Variants in FHIT observed in about 807,000 individuals in gnomAD.
FHIT encodes fragile histidine triad diadenosine triphosphatase.
Under a neutral mutation model 17.9 loss-of-function variants are expected in FHIT, and 19 were observed. The ratio of observed to expected loss-of-function variants is 1.06; its 90% CI spans 0.74 to 1.56. The LOEUF is 1.56. Ranked by LOEUF, FHIT falls within the 40% of genes most tolerant of loss-of-function variation. The probability of loss-of-function intolerance (pLI) is 0.00; values close to 1 mark genes in which losing one functional copy is unlikely to be tolerated. For missense variants in FHIT, 248 were observed against 189.2 expected, an observed-to-expected ratio of 1.31 and a Z score of -1.82; for synonymous variants, 81 against 69.7, an observed-to-expected ratio of 1.16 and a Z score of -0.81.
At chr3:60,909,725 C>T (rs144924727) in intron 3 of FHIT, among the ~76,000 whole-genome samples, 226 of 152,276 alleles carry the variant, frequency 1.5e-3, no homozygotes, top group Middle Eastern at 3.4e-3. Context: ...CAACGGAATG[C>T]GTATTTGTCA....
chr3:60,184,783 A>C (rs1184963537), intron 5 of FHIT, among the ~76,000 whole-genome samples: 1 of 151,948 alleles, frequency 6.6e-6, no homozygotes, highest in Non-Finnish European at 1.5e-5. Context: ...CAGATTTTTC[A>C]ATTCTACCTC....
intron 5 of FHIT, among the ~76,000 whole-genome samples, chr3:60,203,055 A>C (rs1702988237): frequency 6.6e-6 from 1 of 152,156 alleles, no homozygotes; most frequent in Non-Finnish European, 1.5e-5. Flanking sequence ...CGTGTCTGTA[A>C]AATTGGTAAA....
chr3:60,707,570 G>C (rs1193222751), intron 4 of FHIT, among the ~76,000 whole-genome samples: 1 of 152,182 alleles, frequency 6.6e-6, no homozygotes, highest in Non-Finnish European at 1.5e-5. Context: ...TAATCAGAGG[G>C]AACCCATCTA....
At chr3:60,312,552 T>C (rs746995612) in intron 5 of FHIT, among the ~76,000 whole-genome samples, 18 of 152,196 alleles carry the variant, frequency 1.2e-4, no homozygotes, top group Non-Finnish European at 2.2e-4. Context: ...TTGCAAAGTT[T>C]AGTGTGAAAA....
chr3:61,181,052 C>A (rs1327713794), intron 2 of FHIT, among the ~76,000 whole-genome samples: 1 of 152,072 alleles, frequency 6.6e-6, no homozygotes, highest in African/African-American at 2.4e-5. Context: ...CTCACTCATA[C>A]CAAATACAAG....
intron 5 of FHIT, among the ~76,000 whole-genome samples, chr3:60,106,785 C>T (rs971137348): frequency 4.6e-5 from 7 of 152,172 alleles, no homozygotes; most frequent in South Asian, 2.1e-4. Context: ...CGGCAGGAAA[C>T]GTCCAGTATC....
chr3:60,989,371 G>T (rs530369187), intron 3 of FHIT, among the ~76,000 whole-genome samples: 1 of 151,458 alleles, frequency 6.6e-6, no homozygotes, highest in African/African-American at 2.4e-5. Flanking sequence ...TGCTCAGTCT[G>T]GTCCTGAACT....
At chr3:60,276,953 A>T (rs1576408603) in intron 5 of FHIT, among the ~76,000 whole-genome samples, 1 of 151,608 alleles carries the variant, frequency 6.6e-6, no homozygotes, top group Admixed American at 6.6e-5. Context: ...TGTCCCAAAC[A>T]CCTCCCACCA....
chr3:59,935,805 C>T (rs1457174166), intron 7 of FHIT, among the ~76,000 whole-genome samples: 1 of 152,042 alleles, frequency 6.6e-6, no homozygotes, highest in Admixed American at 6.6e-5. Flanking sequence ...TAGACAACTA[C>T]ACTGCTCTTA....
intron 4 of FHIT, chr3:60,690,253 AC>A: frequency 1.8e-6 from 1 of 541,538 alleles, no homozygotes. Flanking sequence ...AGCAATAGTG[AC>A]CTTCTTGCTA....
At chr3:60,204,584 C>G (rs1703079248) in intron 5 of FHIT, among the ~76,000 whole-genome samples, 1 of 120,566 alleles carries the variant, frequency 8.3e-6, no homozygotes, top group Non-Finnish European at 1.9e-5. Context: ...AGCCACCCTT[C>G]CCAGCCTGAA....
intron 2 of FHIT, among the ~76,000 whole-genome samples, chr3:61,188,116 C>A (rs1260459128): frequency 6.6e-6 from 1 of 152,054 alleles, no homozygotes; most frequent in Non-Finnish European, 1.5e-5. Flanking sequence ...ACACAAAAAA[C>A]CCTTCGAAAA....
At chr3:61,029,964 T>TTTTGTTTG (rs895023547) in intron 3 of FHIT, among the ~76,000 whole-genome samples, 1 of 151,992 alleles carries the variant, frequency 6.6e-6, no homozygotes, top group Non-Finnish European at 1.5e-5. Context: ...AAATCTACAT[T>TTTTGTTTG]TTTGTTTGTT....
In FHIT at chr3:60,784,480, C is replaced by T. The variant is rs368962377; in HGVS notation, c.-18+37439G>A. Among the ~76,000 whole-genome samples, 6 of 152,188 alleles carry T rather than the reference C, an allele frequency of 3.9e-5. No homozygotes were observed. In the East Asian group the frequency reaches 7.8e-4, roughly 20 times the overall value. ...CCTGCTGAGTAGCTGGGACTACAGG[C>T]GTGCCCCACCACACTCAGCTAATTT... On this transcript the variant is annotated intron_variant, in intron 4 of 9. Transcript: ENST00000492590.
intron 5 of FHIT, among the ~76,000 whole-genome samples, chr3:60,061,345 A>T (rs1398416539): frequency 6.6e-6 from 1 of 152,186 alleles, no homozygotes; most frequent in Admixed American, 6.5e-5. Flanking sequence ...CGACCTCTTT[A>T]AAAAACTCCC....
intron 5 of FHIT, among the ~76,000 whole-genome samples, chr3:60,380,604 G>C (rs538061368): frequency 2.3e-4 from 35 of 152,258 alleles, no homozygotes; most frequent in African/African-American, 8.4e-4. Flanking sequence ...AAAAGCAATG[G>C]ATTAAAATGA....
intron 7 of FHIT, among the ~76,000 whole-genome samples, chr3:59,975,387 A>G (rs1708364576): frequency 6.6e-6 from 1 of 152,220 alleles, no homozygotes; most frequent in Non-Finnish European, 1.5e-5. Flanking sequence ...ACACTACATA[A>G]AAGGGCTACT....
At chr3:60,702,909 G>A (rs1553702561) in intron 4 of FHIT, among the ~76,000 whole-genome samples, 1 of 151,966 alleles carries the variant, frequency 6.6e-6, no homozygotes, top group African/African-American at 2.4e-5. Flanking sequence ...TTAGAGTATT[G>A]CTAGAAATTT....
intron 8 of FHIT, among the ~76,000 whole-genome samples, chr3:59,898,512 T>G (rs1213551014): frequency 6.6e-6 from 1 of 152,054 alleles, no homozygotes; most frequent in Non-Finnish European, 1.5e-5. Context: ...TAAAAACAGA[T>G]TTCCAACATT....
Sources: gnomAD v4.1 joint callset for allele counts (sites outside exome capture counted in the v4.1 genomes callset) on GRCh38, gnomAD v4.1.1 for gene constraint, MANE v1.5 for transcripts, NCBI Gene and HGNC (gene_info 2026-07-23, HGNC 2026-07-21) for gene names.